Variants in SNF8 observed in about 807,000 individuals in gnomAD.
SNF8 encodes SNF8 subunit of ESCRT-II, also known as vacuolar-sorting protein SNF8.
In SNF8, 19 loss-of-function variants were observed where a neutral mutation model predicts 36.8. The observed-to-expected ratio is 0.52, with a 90% CI of 0.36 to 0.76. The LOEUF (loss-of-function observed/expected upper bound fraction) is 0.76. SNF8 is among the 30% of genes least tolerant of loss of function. The pLI, the probability that SNF8 is intolerant of heterozygous loss-of-function variation, is 0.00. For missense variants in SNF8, 268 were observed against 322.9 expected, an observed-to-expected ratio of 0.83 and a Z score of 1.30; for synonymous variants, 127 against 127.4, an observed-to-expected ratio of 1.00 and a Z score of 0.02.
intron 5 of SNF8, among the ~76,000 whole-genome samples, chr17:48,934,960 G>A (rs776663200): frequency 3.4e-4 from 52 of 152,044 alleles, no homozygotes; most frequent in Non-Finnish European, 6.8e-4. Context: ...AACTGGACTC[G>A]CACATAGAGG....
At chr17:48,943,485 G>A (rs999797014) in intron 2 of SNF8, among the ~76,000 whole-genome samples, 3 of 152,076 alleles carry the variant, frequency 2.0e-5, no homozygotes, top group African/African-American at 7.2e-5. Context: ...GCGCATGTCT[G>A]TAGTTCTAGC....
intron 1 of SNF8, among the ~76,000 whole-genome samples, chr17:48,944,333 TG>T (rs886650752): frequency 3.3e-5 from 5 of 151,826 alleles, no homozygotes; most frequent in African/African-American, 1.2e-4. Flanking sequence ...AAACACAGAG[TG>T]GGCGCTGGGT....
chr17:48,944,239 T>C (rs1050594687), intron 1 of SNF8: 21 of 442,376 alleles, frequency 4.7e-5, no homozygotes, highest in Non-Finnish European at 8.8e-5. Flanking sequence ...GAGGTGGAGG[T>C]TGCAGTGAGC....
intron 3 of SNF8, among the ~76,000 whole-genome samples, chr17:48,939,121 G>A (rs1239177832): frequency 6.6e-6 from 1 of 151,540 alleles, no homozygotes; most frequent in Non-Finnish European, 1.5e-5. Flanking sequence ...AGCCGGGCAT[G>A]GTGGCACATG....
chr17:48,930,443 C>G lies in SNF8; in HGVS notation c.*32G>C. 6.6e-7 allele frequency: 1 copy of G among 1,505,130 alleles called. No homozygotes were observed. The highest frequency in any genetic ancestry group is 2.4e-5 in the East Asian group (1 of 42,076). 93.2% of individuals were successfully genotyped at this position (1,505,130 alleles called of 1,614,324 possible). A position where few individuals can be genotyped will look rare whatever the true frequency, so the allele number is the denominator to read the frequency against. ...TTTATTTGCCACCTCCGCCTCCTCC[C>G]TGCCTGCTGCTGTGTGCCCTTCCAC... is the stretch of plus-strand genomic sequence containing the variant. On this transcript the variant is annotated 3_prime_UTR_variant, in exon 8 of 8. Transcript: ENST00000502492.
At chr17:48,936,762 C>T in intron 4 of SNF8, 1 of 524,136 alleles carries the variant, frequency 1.9e-6, no homozygotes, top group South Asian at 2.5e-5. Flanking sequence ...TACTTCCTAC[C>T]TCTCTACTAT....
intron 7 of SNF8, 98 bp downstream of exon 7, chr17:48,931,545 G>A: frequency 1.0e-6 from 1 of 980,834 alleles, no homozygotes; most frequent in Non-Finnish European, 1.5e-6. Flanking sequence ...CAAGGCAGAA[G>A]GCCAGCAAAG....
At position 48,933,255 on chromosome 17, in the gene SNF8, C is replaced by G; in HGVS notation, c.514G>C (p.Val172Leu). 1.2e-6 allele frequency: 2 copies of G among 1,614,106 alleles called. No homozygotes were observed. The highest frequency in any genetic ancestry group is 1.7e-6 in the Non-Finnish European group (2 of 1,180,038). Residue 172 changes from valine (V) to leucine (L), a missense_variant, in exon 6 of 8, where the codon GTT becomes CTT. Val to Leu is a conservative substitution (Grantham distance 32). Transcript: ENST00000502492. Reference protein sequence around the residue: ...PVGGTYLIQSVPAELNMDHTV... With the variant: ...PVGGTYLIQSLPAELNMDHTV... ...TGATCCATATTGAGCTCAGCTGGAA[C>G]AGACTGAATGAGGTAAGTGCCGCCC...
In SNF8 at chr17:48,930,355, T is replaced by C; in HGVS notation, c.*120A>G. ...AAGGCACTTTTCAAAAATAAAAGAA[T>C]GAGGGAAGAAAGAAAAACTTGGAAC... On this transcript the variant is annotated 3_prime_UTR_variant, in exon 8 of 8. Coordinates refer to ENST00000502492, the MANE Select transcript of SNF8 (RefSeq NM_007241.4). 8.6e-7 allele frequency: 1 copy of C among 1,163,892 alleles called. No homozygotes were observed. Among genetic ancestry groups the C allele is most frequent in the Non-Finnish European group, 1.1e-6 (1 of 876,696 alleles). The allele number at this position is 1,163,892 out of a possible 1,614,324, so 72.1% of individuals were successfully genotyped here.
intron 5 of SNF8, 118 bp from the exon 6 acceptor site, chr17:48,933,464 G>T: frequency 8.6e-7 from 1 of 1,158,910 alleles, no homozygotes; most frequent in Non-Finnish European, 1.3e-6. Context: ...CAACTGCCAG[G>T]CGCAATGGCT....
chr17:48,941,557 G>A (rs2041024903), intron 2 of SNF8, among the ~76,000 whole-genome samples: 2 of 152,062 alleles, frequency 1.3e-5, no homozygotes, highest in African/African-American at 2.4e-5. Context: ...AGCGTCACAT[G>A]AATCTGTTTA....
At chr17:48,939,795 C>G (rs1192145527) in intron 3 of SNF8, among the ~76,000 whole-genome samples, 2 of 151,792 alleles carry the variant, frequency 1.3e-5, no homozygotes, top group African/African-American at 4.8e-5. Context: ...TGAGGAAGGG[C>G]TCAGTGCAGT....
rs144796178 is a variant in SNF8 at position 48,933,487 on chromosome 17, C to G, written c.423-141G>C. 4.3e-6 allele frequency: 4 copies of G among 932,636 alleles called. No homozygotes were observed. The African/African-American group carries it at 5.0e-5, about 12-fold the overall frequency. The allele number at this position is 932,636 out of a possible 1,614,324, so 57.8% of individuals were successfully genotyped here. On this transcript the variant is annotated intron_variant, in intron 5 of 7. Transcript: ENST00000502492. ...AGGCGCAATGGCTCATACCCATAATCGCAACACTTTTGGGATGCCCACATT... is the reference window on the plus strand; with the variant it reads ...AGGCGCAATGGCTCATACCCATAATGGCAACACTTTTGGGATGCCCACATT...
In SNF8 at chr17:48,943,951, C is replaced by T. The variant is rs1409244336; in HGVS notation, c.79G>A (p.Val27Ile). The T allele has an allele frequency of 6.2e-7, 1 of 1,613,866 alleles. No homozygotes were observed. The highest frequency in any genetic ancestry group is 1.3e-5 in the African/African-American group (1 of 74,906). Residue 27 changes from valine (V) to isoleucine (I), a missense_variant, in exon 2 of 8, where the codon GTC becomes ATC. Transcript: ENST00000502492. ...TGGGCTAGCTGGTCCTCAGCCAAGA[C>T]CGTCCCTCGCTCCTTATACTTGGCC... ...AEAKYKERGTVLAEDQLAQMS... is the reference protein window; with the variant it reads ...AEAKYKERGTILAEDQLAQMS...
chr17:48,936,886 C>T (rs1300673687), intron 4 of SNF8, 134 bp downstream of exon 4: 1 of 712,474 alleles, frequency 1.4e-6, no homozygotes, highest in African/African-American at 1.8e-5. Flanking sequence ...ATGGATTCAA[C>T]TGCATGAAAC....
intron 5 of SNF8, among the ~76,000 whole-genome samples, chr17:48,934,728 T>C (rs2040910207): frequency 6.6e-6 from 1 of 152,116 alleles, no homozygotes; most frequent in African/African-American, 2.4e-5. Context: ...CAACTAATTT[T>C]ATTTTTTGTA....
intron 3 of SNF8, among the ~76,000 whole-genome samples, chr17:48,939,868 A>G (rs1366721086): frequency 6.6e-6 from 1 of 151,910 alleles, no homozygotes; most frequent in Non-Finnish European, 1.5e-5. Flanking sequence ...TGATCCCAAG[A>G]GTTGAAGACC....
chr17:48,939,747 C>T (rs952504716), intron 3 of SNF8, among the ~76,000 whole-genome samples: 5 of 151,452 alleles, frequency 3.3e-5, no homozygotes, highest in South Asian at 2.1e-4. Flanking sequence ...CGTGAGCCAC[C>T]GCGCCCGGTG....
chr17:48,941,736 G>A (rs2041029843), intron 2 of SNF8, among the ~76,000 whole-genome samples: 1 of 151,788 alleles, frequency 6.6e-6, no homozygotes, highest in Non-Finnish European at 1.5e-5. Flanking sequence ...TGTCGCCCAG[G>A]TTGGAGTGCA....
Sources: gnomAD v4.1 joint callset for allele counts (sites outside exome capture counted in the v4.1 genomes callset) on GRCh38, gnomAD v4.1.1 for gene constraint, MANE v1.5 for transcripts, NCBI Gene and HGNC (gene_info 2026-07-23, HGNC 2026-07-21) for gene names.